The following EPHB1 variants were observed in gnomAD, a reference collection of about 807,000 sequenced individuals.
EPHB1 encodes the protein EPH receptor B1.
In EPHB1, 30 loss-of-function variants were observed where a neutral mutation model predicts 94.4. The ratio of observed to expected loss-of-function variants is 0.32; its 90% confidence interval spans 0.24 to 0.43. The LOEUF is 0.43. Ranked by LOEUF, EPHB1 falls within the 20% of genes least tolerant of loss-of-function variation. The probability of loss-of-function intolerance (pLI) is 1.00; values close to 1 mark genes in which losing one functional copy is unlikely to be tolerated. For synonymous variants in EPHB1, 522 were observed against 489.1 expected, an observed-to-expected ratio of 1.07 and a Z score of -0.89; for missense variants, 1,055 against 1,308.3, an observed-to-expected ratio of 0.81 and a Z score of 2.99.
intron 1 of EPHB1, among the ~76,000 whole-genome samples, chr3:134,901,044 G>A (rs1201360527): frequency 6.6e-6 from 1 of 152,006 alleles, no homozygotes; most frequent in Non-Finnish European, 1.5e-5. Context: ...GGCTTGGGAT[G>A]TGGAACTTCT....
At chr3:134,926,189 G>C (rs1414912020) in intron 2 of EPHB1, among the ~76,000 whole-genome samples, 1 of 152,222 alleles carries the variant, frequency 6.6e-6, no homozygotes, top group Non-Finnish European at 1.5e-5. Flanking sequence ...TCAGAGATCT[G>C]TGATGCCCAA....
intron 5 of EPHB1, among the ~76,000 whole-genome samples, chr3:135,135,724 C>G (rs552685601): frequency 6.6e-6 from 1 of 152,292 alleles, no homozygotes; most frequent in African/African-American, 2.4e-5. Flanking sequence ...CTGTTTGAGT[C>G]ATGAGTAGCT....
At chr3:134,912,574 G>A (rs1199582818) in intron 1 of EPHB1, among the ~76,000 whole-genome samples, 1 of 152,210 alleles carries the variant, frequency 6.6e-6, no homozygotes, top group African/African-American at 2.4e-5. Flanking sequence ...AGAAGGGTAT[G>A]CTCTGTGTCA....
chr3:134,861,203 G>A (rs2037249517), intron 1 of EPHB1, among the ~76,000 whole-genome samples: 1 of 152,162 alleles, frequency 6.6e-6, no homozygotes, highest in Non-Finnish European at 1.5e-5. Context: ...ATTAGTGTTG[G>A]GGGGCAGGAA....
intron 3 of EPHB1, among the ~76,000 whole-genome samples, chr3:135,010,252 T>A (rs1434417595): frequency 6.6e-6 from 1 of 152,200 alleles, no homozygotes; most frequent in African/African-American, 2.4e-5. Context: ...TTTTAAAAAT[T>A]TCACAGTATC....
rs1007492734 is a variant in EPHB1 at position 134,894,954 on chromosome 3, G to GT, written c.59-30859dup. ...TTATGCCAGAGCCTATTCTTTTCTT[G>GT]TTTGAGTTCAACAAATCTCCAGCAT... On this transcript the variant is annotated intron_variant, in intron 1 of 15. Transcript: ENST00000398015. 9.2e-5 allele frequency among the ~76,000 whole-genome samples: 14 copies of GT among 152,244 alleles called. 1 individual carries two copies. The highest frequency in any genetic ancestry group is 3.1e-4 in the African/African-American group (13 of 41,552).
chr3:135,096,932 CT>C (rs527852976), intron 3 of EPHB1, among the ~76,000 whole-genome samples: 81 of 152,000 alleles, frequency 5.3e-4, no homozygotes, highest in Admixed American at 1.6e-3. Flanking sequence ...CCCGTCTCTA[CT>C]TAAAAAACAA....
At chr3:135,230,920 T>C (rs1283709380) in intron 12 of EPHB1, among the ~76,000 whole-genome samples, 1 of 152,246 alleles carries the variant, frequency 6.6e-6, no homozygotes, top group African/African-American at 2.4e-5. Context: ...TATGGCTGCA[T>C]AGTATTCCAT....
intron 3 of EPHB1, among the ~76,000 whole-genome samples, chr3:135,062,777 G>A (rs1937532250): frequency 6.6e-6 from 1 of 152,160 alleles, no homozygotes; most frequent in South Asian, 2.1e-4. Context: ...ATGTCTAGAA[G>A]GGTTTTTCCA....
intron 3 of EPHB1, among the ~76,000 whole-genome samples, chr3:135,041,568 T>C (rs139636019): frequency 1.3e-5 from 2 of 152,252 alleles, no homozygotes; most frequent in East Asian, 3.9e-4. Flanking sequence ...GGCAAGAAGG[T>C]AGAGACTTGA....
chr3:134,853,509 T>G (rs748544979), intron 1 of EPHB1, among the ~76,000 whole-genome samples: 2 of 152,196 alleles, frequency 1.3e-5, no homozygotes, highest in Non-Finnish European at 2.9e-5. Context: ...ACTTTTACAA[T>G]TAGTGGATGG....
intron 3 of EPHB1, among the ~76,000 whole-genome samples, chr3:134,977,243 A>G (rs1447116950): frequency 6.6e-6 from 1 of 152,178 alleles, no homozygotes; most frequent in Non-Finnish European, 1.5e-5. Context: ...GATGTGAAGG[A>G]GAATGCCTTG....
At chr3:135,252,336 G>C (rs1468240428) in intron 15 of EPHB1, among the ~76,000 whole-genome samples, 25 of 148,386 alleles carry the variant, frequency 1.7e-4, no homozygotes, top group African/African-American at 6.3e-4. Context: ...TCTAGCATAA[G>C]GTATATCTCC....
At chr3:135,020,109 AT>A (rs759831528) in intron 3 of EPHB1, among the ~76,000 whole-genome samples, 3 of 151,940 alleles carry the variant, frequency 2.0e-5, no homozygotes, top group African/African-American at 7.3e-5. Flanking sequence ...CTGTTCATTG[AT>A]TTTTTTTCCA....
At chr3:134,837,534 A>G (rs1036558659) in intron 1 of EPHB1, among the ~76,000 whole-genome samples, 34 of 152,162 alleles carry the variant, frequency 2.2e-4, no homozygotes, top group Non-Finnish European at 4.4e-4. Context: ...GATGGCGGGG[A>G]GGGGGCAACT....
At chr3:135,170,980 T>A (rs1484281340) in intron 9 of EPHB1, among the ~76,000 whole-genome samples, 1 of 152,212 alleles carries the variant, frequency 6.6e-6, no homozygotes, top group Non-Finnish European at 1.5e-5. Flanking sequence ...AAATGGGGTA[T>A]GTGCCCAAAG....
chr3:134,804,561 G>A (rs565795235), intron 1 of EPHB1, among the ~76,000 whole-genome samples: 8 of 152,140 alleles, frequency 5.3e-5, no homozygotes, highest in Non-Finnish European at 7.4e-5. Flanking sequence ...GTGTGTGTGG[G>A]GGGGAGGAAT....
chr3:134,828,182 G>T (rs984786698), intron 1 of EPHB1, among the ~76,000 whole-genome samples: 2 of 152,190 alleles, frequency 1.3e-5, no homozygotes, highest in Admixed American at 1.3e-4. Flanking sequence ...AGGAATAAAT[G>T]TGCAAAATTC....
chr3:135,121,805 C>CT (rs370298819), intron 4 of EPHB1, among the ~76,000 whole-genome samples: 1,584 of 144,384 alleles, frequency 0.011, 22 homozygotes, highest in African/African-American at 0.031. Context: ...TGCACAAAGT[C>CT]TTTTTTTTTT....
Sources: allele counts gnomAD v4.1 joint callset (sites outside exome capture counted in the v4.1 genomes callset), GRCh38; gene constraint gnomAD v4.1.1; transcripts MANE v1.5; gene names NCBI Gene and HGNC (gene_info 2026-07-23, HGNC 2026-07-21).